The following PTPRD variants were observed in gnomAD, a reference collection of about 807,000 sequenced individuals.
The protein encoded by PTPRD is receptor-type tyrosine-protein phosphatase delta.
A neutral mutation model predicts 214.5 loss-of-function variants in PTPRD; 34 were observed. That is an observed-to-expected ratio of 0.16 (90% CI 0.12 to 0.21). The LOEUF is 0.21. Ranked by LOEUF, PTPRD falls within the 10% of genes least tolerant of loss-of-function variation. The pLI, the probability that PTPRD is intolerant of heterozygous loss-of-function variation, is 1.00. For synonymous variants in PTPRD, 1,128 were observed against 845.7 expected (o/e 1.33, Z -5.79); for missense variants, 2,545 against 2,398.7 (o/e 1.06, Z -1.27).
intron 2 of PTPRD, among the ~76,000 whole-genome samples, chr9:10,524,943 A>G (rs1172154010): frequency 6.6e-6 from 1 of 151,986 alleles, no homozygotes; most frequent in Non-Finnish European, 1.5e-5. Context: ...AAGCAAAATA[A>G]GTGTAATATA....
intron 9 of PTPRD, among the ~76,000 whole-genome samples, chr9:9,284,893 G>A (rs1315886945): frequency 6.6e-6 from 1 of 151,682 alleles, no homozygotes; most frequent in Non-Finnish European, 1.5e-5. Flanking sequence ...ACAGTATCTG[G>A]CACAGAATAG....
chr9:10,465,951 G>T (rs1355242460), intron 2 of PTPRD, among the ~76,000 whole-genome samples: 1 of 152,098 alleles, frequency 6.6e-6, no homozygotes, highest in Non-Finnish European at 1.5e-5. Flanking sequence ...ATAGATTTAG[G>T]AAAATTTCAA....
At chr9:9,676,056 A>T (rs1476434790) in intron 7 of PTPRD, among the ~76,000 whole-genome samples, 1 of 152,120 alleles carries the variant, frequency 6.6e-6, no homozygotes, top group Non-Finnish European at 1.5e-5. Flanking sequence ...TAAGTAATAA[A>T]ATGTACATAA....
At chr9:9,989,510 G>A (rs748631354) in intron 4 of PTPRD, among the ~76,000 whole-genome samples, 6 of 152,002 alleles carry the variant, frequency 3.9e-5, no homozygotes, top group Admixed American at 1.3e-4. Context: ...TGGGACAGCC[G>A]AACTCCATTA....
intron 14 of PTPRD, among the ~76,000 whole-genome samples, chr9:8,537,828 T>C (rs1469099786): frequency 3.3e-5 from 5 of 152,028 alleles, no homozygotes; most frequent in African/African-American, 7.2e-5. Context: ...TACAAAGTAA[T>C]GTCTACATAG....
intron 3 of PTPRD, among the ~76,000 whole-genome samples, chr9:10,307,021 G>C (rs2096095446): frequency 6.6e-6 from 1 of 152,052 alleles, no homozygotes; most frequent in Non-Finnish European, 1.5e-5. Context: ...ATCAAGTCTG[G>C]ATATTTAGGA....
chr9:8,399,488 G>A (rs945898140), intron 36 of PTPRD, among the ~76,000 whole-genome samples: 1 of 152,092 alleles, frequency 6.6e-6, no homozygotes, highest in Non-Finnish European at 1.5e-5. Context: ...TGTTTAAACT[G>A]AAATTTAGTT....
At chr9:9,392,413 G>C (rs963578464) in intron 9 of PTPRD, among the ~76,000 whole-genome samples, 1 of 152,078 alleles carries the variant, frequency 6.6e-6, no homozygotes, top group African/African-American at 2.4e-5. Flanking sequence ...GATCTTTTCT[G>C]CATATTTGGG....
chr9:10,434,141 C>A (rs1254236641), intron 2 of PTPRD, among the ~76,000 whole-genome samples: 1 of 151,756 alleles, frequency 6.6e-6, no homozygotes, highest in African/African-American at 2.4e-5. Flanking sequence ...TGGGAGAATG[C>A]AATTATTTTT....
intron 8 of PTPRD, among the ~76,000 whole-genome samples, chr9:9,431,061 A>AT (rs1421404748): frequency 4.6e-5 from 7 of 152,228 alleles, no homozygotes; most frequent in Non-Finnish European, 1.0e-4. Context: ...ATGGGATCTA[A>AT]TTAAACTAAA....
At chr9:8,571,288 G>A (rs548372994) in intron 14 of PTPRD, among the ~76,000 whole-genome samples, 3 of 152,070 alleles carry the variant, frequency 2.0e-5, no homozygotes, top group Non-Finnish European at 4.4e-5. Flanking sequence ...TTAAGAGGCA[G>A]GGCCAGCTGA....
At chr9:9,215,110 TA>T (rs1186724863) in intron 9 of PTPRD, among the ~76,000 whole-genome samples, 1 of 152,208 alleles carries the variant, frequency 6.6e-6, no homozygotes, top group Non-Finnish European at 1.5e-5. Flanking sequence ...ATTTGTGTGT[TA>T]ACAAGTTCAA....
intron 8 of PTPRD, among the ~76,000 whole-genome samples, chr9:9,439,409 A>G (rs2086631221): frequency 1.3e-5 from 2 of 152,194 alleles, no homozygotes; most frequent in South Asian, 4.1e-4. Flanking sequence ...ACAATTTATC[A>G]GGTAGGACAA....
chr9:8,962,878 ACTG>A (rs1279233957), intron 11 of PTPRD: 1 of 152,128 alleles, frequency 6.6e-6, no homozygotes, highest in Admixed American at 6.6e-5. Context: ...ATCTGATAAC[ACTG>A]AGGTGATATG....
intron 7 of PTPRD, among the ~76,000 whole-genome samples, chr9:9,652,302 C>A (rs1441063279): frequency 6.6e-6 from 1 of 152,186 alleles, no homozygotes; most frequent in African/African-American, 2.4e-5. Context: ...CCCATTCTCA[C>A]ATGAATTTCC....
At chr9:9,163,470 C>T (rs2099894542) in intron 10 of PTPRD, among the ~76,000 whole-genome samples, 1 of 151,778 alleles carries the variant, frequency 6.6e-6, no homozygotes, top group African/African-American at 2.4e-5. Flanking sequence ...TGTCAAATTG[C>T]TTTCTGGATA....
rs112572959 is a variant in PTPRD, at chr9:8,703,778, G to C, written c.64+30002C>G. Among the ~76,000 whole-genome samples the C allele has an allele frequency of 5.2e-3, 796 of 152,202 alleles. 10 individuals carry two copies. The highest frequency in any genetic ancestry group is 0.018 in the African/African-American group (754 of 41,520). On this transcript the variant is annotated intron_variant, in intron 12 of 45. Transcript: ENST00000381196. ...CTTCCAAGAGAATATCCCCAGCCCA[G>C]TTTTCTGAGTTCTGGATTCAAGTAT...
chr9:8,763,643 G>C (rs1021462395), intron 11 of PTPRD, among the ~76,000 whole-genome samples: 4 of 149,952 alleles, frequency 2.7e-5, no homozygotes, highest in African/African-American at 9.8e-5. Flanking sequence ...GAAAGAAATA[G>C]CACACCTAAG....
At chr9:9,580,887 TGTTAA>T (rs1451919996) in intron 7 of PTPRD, among the ~76,000 whole-genome samples, 2 of 152,120 alleles carry the variant, frequency 1.3e-5, no homozygotes, top group Admixed American at 6.6e-5. Context: ...TTGTTGTTGT[TGTTAA>T]GTTGTTTGAG....
Sources: gnomAD v4.1 joint callset for allele counts (sites outside exome capture counted in the v4.1 genomes callset) on GRCh38, gnomAD v4.1.1 for gene constraint, MANE v1.5 for transcripts, NCBI Gene and HGNC (gene_info 2026-07-23, HGNC 2026-07-21) for gene names.